The following MOV10L1 variants were observed in gnomAD, a reference collection of about 807,000 sequenced individuals.
MOV10L1 encodes the protein Mov10 like RNA helicase 1, also known as RNA helicase Mov10l1.
MOV10L1 carries 110 observed loss-of-function variants against 143.8 expected under a neutral mutation model. That is an observed-to-expected ratio of 0.76 (90% confidence interval 0.66 to 0.90). The LOEUF (loss-of-function observed/expected upper bound fraction) is 0.90. MOV10L1 is among the 40% of genes least tolerant of loss of function. MOV10L1 has a pLI of 0.00. For missense variants in MOV10L1, 1,406 were observed against 1,526.8 expected (o/e 0.92, Z 1.32); for synonymous variants, 593 against 581.1 (o/e 1.02, Z -0.29).
At chr22:50,091,501 C>A in intron 1 of MOV10L1, 1 of 154,276 alleles carries the variant, frequency 6.5e-6, no homozygotes, top group Non-Finnish European at 1.5e-5. Flanking sequence ...TAAAACCGTG[C>A]ATGCTAATGA....
intron 3 of MOV10L1, among the ~76,000 whole-genome samples, chr22:50,100,372 G>T (rs1383363657): frequency 1.3e-5 from 2 of 152,104 alleles, no homozygotes; most frequent in African/African-American, 4.8e-5. Flanking sequence ...GGTAGTTGTT[G>T]CTTCCATATA....
chr22:50,159,325 G>T lies in MOV10L1; in HGVS notation c.3217-353G>T, dbSNP rs2063499418. 6.1e-6 allele frequency: 1 copy of T among 164,202 alleles called. No individual in the cohort carries two copies. Among genetic ancestry groups the T allele is most frequent in the Admixed American group, 6.4e-5 (1 of 15,614 alleles). 10.2% of individuals were successfully genotyped at this position (164,202 alleles called of 1,614,324 possible). On this transcript the variant is annotated intron_variant, in intron 23 of 26. Transcript: ENST00000262794. This position sits in a 1 kb window ranked among gnomAD's most constrained non-coding sequence, Gnocchi z 4.1. ...TAAAGAGATGGATTTGTACATGTCGGGCGTGGTGGCTCACGCCTGTAATCC... is the reference window on the plus strand; with the variant it reads ...TAAAGAGATGGATTTGTACATGTCGTGCGTGGTGGCTCACGCCTGTAATCC...
At chr22:50,129,629 A>T (rs538829580) in intron 13 of MOV10L1, among the ~76,000 whole-genome samples, 3 of 152,244 alleles carry the variant, frequency 2.0e-5, no homozygotes, top group African/African-American at 7.2e-5. Context: ...CAGCTTTACA[A>T]GTGGTTGCAT....
At chr22:50,120,781 C>G (rs748145467) in intron 10 of MOV10L1, among the ~76,000 whole-genome samples, 165 bp downstream of exon 10, 1 of 152,178 alleles carries the variant, frequency 6.6e-6, no homozygotes, top group Admixed American at 6.5e-5. Flanking sequence ...GGATGAGGCA[C>G]CATAGCACTC....
Position 50,158,257 on chromosome 22 carries a change from T to G in MOV10L1, c.3216+51T>G. ...TTCTGTGAGGTCCCTGCAGCCCTGC[T>G]CCTTGGCTCCTGCAGCTCCACAGAG... On this transcript the variant is annotated intron_variant, in intron 23 of 26. Transcript: ENST00000262794. The surrounding 1 kb of genome is among the most constrained non-coding windows in gnomAD (Gnocchi z 5.0). The G allele has an allele frequency of 6.2e-7, 1 of 1,605,370 alleles. No homozygotes were observed. The highest frequency in any genetic ancestry group is 2.2e-5 in the East Asian group (1 of 44,690).
At position 50,108,976 on chromosome 22, in the gene MOV10L1, C is replaced by T. The variant is rs1022690282; in HGVS notation, c.743+132C>T. 21 of 805,936 alleles carry T rather than the reference C, an allele frequency of 2.6e-5. No homozygotes were observed. In the African/African-American group the frequency reaches 3.3e-4, roughly 13 times the overall value. 49.9% of individuals were successfully genotyped at this position (805,936 alleles called of 1,614,324 possible). A position where few individuals can be genotyped will look rare whatever the true frequency, so the allele number is the denominator to read the frequency against. On this transcript the variant is annotated intron_variant, in intron 5 of 26. Coordinates refer to ENST00000262794, the MANE Select transcript of MOV10L1 (RefSeq NM_018995.3). ...CCTGACCAACGTGGTGAAACTCTGTCTCTACTAAAAGTACAAAATTAGCTG... is the reference window on the plus strand; with the variant it reads ...CCTGACCAACGTGGTGAAACTCTGTTTCTACTAAAAGTACAAAATTAGCTG...
chr22:50,145,745 C>T lies in MOV10L1; in HGVS notation c.2562C>T (p.Ala854=). 1 of 1,614,188 alleles carries T rather than the reference C, an allele frequency of 6.2e-7. No homozygotes were observed. The highest frequency in any genetic ancestry group is 8.5e-7 in the Non-Finnish European group (1 of 1,180,022). ...GAGACGGAGAAGACATCTGGAAAGC[C>T]TCACGCTTCCGGATAATCATCACCA... The part of the protein sequence containing the change: ...YCRDGEDIWK[A]SRFRIIITTC... Residue 854 remains alanine (A), a synonymous_variant, in exon 19 of 27, where the codon GCC becomes GCT. Transcript: ENST00000262794.
At chr22:50,123,111 G>A (rs959063651) in intron 10 of MOV10L1, among the ~76,000 whole-genome samples, 3 of 150,134 alleles carry the variant, frequency 2.0e-5, no homozygotes, top group African/African-American at 7.3e-5. Flanking sequence ...CCTGGGAGGC[G>A]CTTGAGCCCA....
At chr22:50,097,455 GA>G (rs1373030010) in intron 2 of MOV10L1, among the ~76,000 whole-genome samples, 1 of 152,154 alleles carries the variant, frequency 6.6e-6, no homozygotes, top group African/African-American at 2.4e-5. Flanking sequence ...TGTAAAACGA[GA>G]GTCTAACTTT....
chr22:50,153,291 G>T lies in MOV10L1; in HGVS notation c.3066+73G>T, dbSNP rs567471807. The T allele has an allele frequency of 2.7e-6, 4 of 1,474,894 alleles. No individual in the cohort carries two copies. The South Asian group carries it at 5.3e-5, about 20-fold the overall frequency. 91.4% of individuals were successfully genotyped at this position (1,474,894 alleles called of 1,614,324 possible). A position where few individuals can be genotyped will look rare whatever the true frequency, so the allele number is the denominator to read the frequency against. On this transcript the variant is annotated intron_variant, in intron 22 of 26. Transcript: ENST00000262794. The stretch of plus-strand genomic sequence containing the variant: ...TATGGCAGGAGGTCCTTCCTCCCAG[G>T]TGAGGCTCTGTCACCTGCCTGTGGC...
chr22:50,144,272 C>T lies in MOV10L1; in HGVS notation c.2505+29C>T, dbSNP rs372430999. On this transcript the variant is annotated intron_variant, in intron 18 of 26. Transcript: ENST00000262794. ...AGCCCTTGGTGCAAGCAGTGGGGGG[C>T]ACCAGAACCCCTCCCTGGAACATAG... 4.6e-4 allele frequency: 728 copies of T among 1,575,098 alleles called. 3 individuals are homozygous for T. Among genetic ancestry groups the T allele is most frequent in the South Asian group, 3.5e-3 (312 of 89,384 alleles).
chr22:50,090,705 T>C (rs8142824), intron 1 of MOV10L1: 170,017 of 708,628 alleles, frequency 0.24, 21,563 homozygotes, highest in Admixed American at 0.38. Flanking sequence ...AGACGGAGTT[T>C]CGCTCTTGTT....
At position 50,142,201 on chromosome 22, in the gene MOV10L1, T is replaced by A; in HGVS notation, c.2179+12T>A. ...GATGAGCGATTGGGGTATGTGCTCA[T>A]GAGGGGCAAGGAGAAGAGCAACTCT... On this transcript the variant is annotated intron_variant, in intron 16 of 26. Coordinates refer to ENST00000262794, the MANE Select transcript of MOV10L1 (RefSeq NM_018995.3). The A allele has an allele frequency of 6.2e-7, 1 of 1,601,118 alleles. No individual in the cohort carries two copies. The highest frequency in any genetic ancestry group is 1.1e-5 in the South Asian group (1 of 89,092).
intron 21 of MOV10L1, 52 bp downstream of exon 21, chr22:50,150,951 T>C: frequency 6.2e-7 from 1 of 1,605,714 alleles, no homozygotes; most frequent in Non-Finnish European, 8.5e-7. Context: ...AGACACAGGC[T>C]CCAGGGCAGT....
chr22:50,108,823 G>T lies in MOV10L1; in HGVS notation c.722G>T (p.Cys241Phe). 1 of 1,614,194 alleles carries T rather than the reference G, an allele frequency of 6.2e-7. No homozygotes were observed. The highest frequency in any genetic ancestry group is 8.5e-7 in the Non-Finnish European group (1 of 1,180,030). The change falls in exon 5 of 27, where the codon TGT becomes TTT. Residue 241 changes from cysteine to phenylalanine, a missense_variant. Cys to Phe is a radical substitution (Grantham distance 205, BLOSUM62 -2). Coordinates refer to ENST00000262794, the MANE Select transcript of MOV10L1 (RefSeq NM_018995.3). ...SQSCYVWRALCMTLVKRRDAA... is the reference protein window; with the variant it reads ...SQSCYVWRALFMTLVKRRDAA... ...TCATGCTATGTCTGGAGGGCACTTTGTATGACCCTAGTGAAGAGGCGGTAA... is the reference window on the plus strand; with the variant it reads ...TCATGCTATGTCTGGAGGGCACTTTTTATGACCCTAGTGAAGAGGCGGTAA...
In MOV10L1 at chr22:50,152,809, G is replaced by A. The variant is rs2063333606; in HGVS notation, c.2893-236G>A. Among the ~76,000 whole-genome samples the A allele has an allele frequency of 6.6e-6, 1 of 152,168 alleles. No homozygotes were observed. The highest frequency in any genetic ancestry group is 6.5e-5 in the Admixed American group (1 of 15,274). ...ACCCAGACCCAGGAGAGGAACAGAG[G>A]GCAGCCGTCACACCCTTTTCTTCCT... On this transcript the variant is annotated intron_variant, in intron 21 of 26. Coordinates refer to ENST00000262794, the MANE Select transcript of MOV10L1 (RefSeq NM_018995.3). The surrounding 1 kb of genome is among the most constrained non-coding windows in gnomAD (Gnocchi z 4.4).
intron 2 of MOV10L1, chr22:50,092,829 T>C (rs1191214894): frequency 6.6e-6 from 1 of 152,246 alleles, no homozygotes; most frequent in Non-Finnish European, 1.5e-5. Context: ...TTTATACTCT[T>C]AGGAGCAGAA....
rs2062460876 is a variant in MOV10L1, at chr22:50,092,084, T to C, written c.181T>C (p.Ser61Pro). 1 of 1,614,172 alleles carries C rather than the reference T, an allele frequency of 6.2e-7. No individual in the cohort carries two copies. The highest frequency in any genetic ancestry group is 8.5e-7 in the Non-Finnish European group (1 of 1,180,014). Residue 61 changes from serine (S) to proline (P), a missense_variant, in exon 2 of 27, where the codon TCC becomes CCC. By Grantham distance (74) the Ser-to-Pro change is moderately conservative. This residue lies in a region of MOV10L1 where 166 missense variants were observed against 153.9 expected (regional missense o/e 1.08). Coordinates refer to ENST00000262794, the MANE Select transcript of MOV10L1 (RefSeq NM_018995.3). ...CATGATTGATGATATGATCTACTTC[T>C]CCAGTGATGCTGTGACTAGCAGAGT... ...YGMIDDMIYF[S>P]SDAVTSRVLL...
intron 11 of MOV10L1, 77 bp downstream of exon 11, chr22:50,125,646 G>T: frequency 2.2e-6 from 3 of 1,382,888 alleles, no homozygotes; most frequent in Non-Finnish European, 3.0e-6. Context: ...TCTTTAACTG[G>T]CAATATGACA....
Sources: gnomAD v4.1 joint callset for allele counts (sites outside exome capture counted in the v4.1 genomes callset) on GRCh38, gnomAD v4.1.1 for gene constraint, gnomAD v4.1.1 regional missense constraint, Gnocchi (gnomAD v3.1) non-coding constraint, MANE v1.5 for transcripts, NCBI Gene and HGNC (gene_info 2026-07-23, HGNC 2026-07-21) for gene names.